The following TMEM218 variants were observed in gnomAD, a reference collection of about 807,000 sequenced individuals.
TMEM218 encodes the protein transmembrane protein 218.
Under a neutral mutation model 10.0 loss-of-function variants are expected in TMEM218, and 8 were observed. The observed-to-expected ratio is 0.80, with a 90% CI of 0.47 to 1.44. TMEM218 has a LOEUF of 1.44. TMEM218 is among the 40% of genes most tolerant of loss of function. The probability of loss-of-function intolerance (pLI) is 0.00; values close to 1 mark genes in which losing one functional copy is unlikely to be tolerated. For synonymous variants in TMEM218, 66 were observed against 63.5 expected (o/e 1.04, Z -0.18); for missense variants, 110 against 140.1 (o/e 0.79, Z 1.08).
At chr11:125,105,604 TATATG>T (rs1367594935) in intron 1 of TMEM218, among the ~76,000 whole-genome samples, 2 of 152,150 alleles carry the variant, frequency 1.3e-5, no homozygotes, top group Non-Finnish European at 2.9e-5. Context: ...ACTCAACAGT[TATATG>T]GTAGATGGAA....
At chr11:125,098,724 T>A (rs1465194627) in intron 4 of TMEM218, among the ~76,000 whole-genome samples, 2 of 152,204 alleles carry the variant, frequency 1.3e-5, no homozygotes, top group Non-Finnish European at 2.9e-5. Context: ...TCAGCTGCCC[T>A]TAAAACAAGG....
chr11:125,102,598 C>T (rs1484344562), intron 2 of TMEM218, 136 bp downstream of exon 2: 11 of 1,317,398 alleles, frequency 8.3e-6, no homozygotes, highest in African/African-American at 6.0e-5. Flanking sequence ...CCCCAGCCCA[C>T]GGGAGAAAGC....
intron 1 of TMEM218, among the ~76,000 whole-genome samples, chr11:125,111,215 T>G (rs935626893): frequency 1.3e-5 from 2 of 152,146 alleles, no homozygotes; most frequent in African/African-American, 4.8e-5. Context: ...AGATTCAAAC[T>G]GGCGACAGGA....
intron 4 of TMEM218, among the ~76,000 whole-genome samples, chr11:125,100,643 T>C (rs1385289285): frequency 6.6e-6 from 1 of 152,178 alleles, no homozygotes; most frequent in African/African-American, 2.4e-5. Flanking sequence ...CTGAGAGAGA[T>C]GATAAAAATC....
chr11:125,110,795 T>C (rs1260543585), intron 1 of TMEM218: 1 of 135,688 alleles, frequency 7.4e-6, no homozygotes, highest in Non-Finnish European at 1.6e-5. Flanking sequence ...AGTGCTCCTC[T>C]GGAAGAGTCC....
chr11:125,104,318 T>C (rs970947962), intron 1 of TMEM218: 1 of 152,174 alleles, frequency 6.6e-6, no homozygotes, highest in African/African-American at 2.4e-5. Flanking sequence ...CATCTCTGGG[T>C]CTTTGTACTT....
At chr11:125,099,915 C>T (rs1480141079) in intron 4 of TMEM218, among the ~76,000 whole-genome samples, 1 of 91,696 alleles carries the variant, frequency 1.1e-5, no homozygotes, top group Non-Finnish European at 2.1e-5. Context: ...CAGAGCGAGA[C>T]TGTCTCAAAA....
chr11:125,095,191 C>T lies in TMEM218; in HGVS notation c.*2415G>A, dbSNP rs1949483989. On this transcript the variant is annotated 3_prime_UTR_variant, in exon 5 of 5. Coordinates refer to ENST00000682305, the MANE Select transcript of TMEM218 (RefSeq NM_001258244.2). ...AATAACCTATTTTCTTATATAGAAA[C>T]CCAGATTTACTCTCCCTCTCCACCT... 1.3e-5 allele frequency among the ~76,000 whole-genome samples: 2 copies of T among 152,132 alleles called. No individual in the cohort carries two copies. The highest frequency in any genetic ancestry group is 4.8e-5 in the African/African-American group (2 of 41,424).
chr11:125,097,708 G>A lies in TMEM218; in HGVS notation c.246C>T (p.Val82=). 3 of 1,613,998 alleles carry A rather than the reference G, an allele frequency of 1.9e-6. No homozygotes were observed. Among genetic ancestry groups the A allele is most frequent in the Non-Finnish European group, 2.5e-6 (3 of 1,179,966 alleles). ...IVDDFFIGRY[V]LLAFLSAIFL... Reference sequence around the variant, plus strand: ...AGATGGCACTAAGGAAAGCCAGCAGGACATAGCGGCCAATGAAAAAGTCAT... The same window carrying A: ...AGATGGCACTAAGGAAAGCCAGCAGAACATAGCGGCCAATGAAAAAGTCAT... Residue 82 remains valine, a synonymous_variant, in exon 5 of 5, where the codon GTC becomes GTT. Coordinates refer to ENST00000682305, the MANE Select transcript of TMEM218 (RefSeq NM_001258244.2).
At chr11:125,105,730 C>T (rs1334578859) in intron 1 of TMEM218, among the ~76,000 whole-genome samples, 1 of 148,706 alleles carries the variant, frequency 6.7e-6, no homozygotes, top group Non-Finnish European at 1.5e-5. Context: ...CAGCAAGCAA[C>T]AGAAATAGAA....
chr11:125,108,009 T>C lies in TMEM218; in HGVS notation c.-153+3530A>G, dbSNP rs1952703989. 6.6e-6 allele frequency among the ~76,000 whole-genome samples: 1 copy of C among 151,990 alleles called. No homozygotes were observed. The highest frequency in any genetic ancestry group is 2.1e-4 in the South Asian group (1 of 4,826). On this transcript the variant is annotated intron_variant, in intron 1 of 4. Coordinates refer to ENST00000682305, the MANE Select transcript of TMEM218 (RefSeq NM_001258244.2). This position sits in a 1 kb window ranked among gnomAD's most constrained non-coding sequence, Gnocchi z 5.3. Reference sequence around the variant, plus strand: ...AAAAATCTCAATTTTCCTTAACCTATAAATTCAATGCAATCCTAACCAAAG... The same window carrying C: ...AAAAATCTCAATTTTCCTTAACCTACAAATTCAATGCAATCCTAACCAAAG...
At chr11:125,100,385 G>C (rs1372075573) in intron 4 of TMEM218, among the ~76,000 whole-genome samples, 1 of 152,178 alleles carries the variant, frequency 6.6e-6, no homozygotes, top group African/African-American at 2.4e-5. Flanking sequence ...ATACTACTTA[G>C]GGCTGTCCTG....
intron 1 of TMEM218, among the ~76,000 whole-genome samples, chr11:125,111,132 C>T (rs1336799494): frequency 6.6e-6 from 1 of 152,130 alleles, no homozygotes; most frequent in Non-Finnish European, 1.5e-5. Context: ...GGTCTATCCG[C>T]TCTCTGGATC....
At chr11:125,107,423 G>A (rs1034515427) in intron 1 of TMEM218, among the ~76,000 whole-genome samples, 60 of 152,032 alleles carry the variant, frequency 3.9e-4, no homozygotes, top group African/African-American at 1.3e-3. Flanking sequence ...TGATTCGAAC[G>A]AAGCATTGCA....
rs540424706 is a variant in TMEM218, at chr11:125,097,842, A to G, written c.214-102T>C. 4.3e-6 allele frequency: 5 copies of G among 1,151,354 alleles called. No individual in the cohort carries two copies. The South Asian group carries it at 4.6e-5, about 11-fold the overall frequency. 71.3% of individuals were successfully genotyped at this position (1,151,354 alleles called of 1,614,324 possible). ...GTGGGCCAAGAGTTAGTTCATGTGT[A>G]TAACTTCCAGTAACATCCTGCCCTG... On this transcript the variant is annotated intron_variant, in intron 4 of 4. Transcript: ENST00000682305.
chr11:125,109,213 C>T (rs1282198929), intron 1 of TMEM218, among the ~76,000 whole-genome samples: 1 of 152,064 alleles, frequency 6.6e-6, no homozygotes, highest in Admixed American at 6.5e-5. Context: ...GTGACAAAAA[C>T]AAGTTGCAAA....
At chr11:125,106,199 A>T (rs535755868) in intron 1 of TMEM218, among the ~76,000 whole-genome samples, 1 of 152,312 alleles carries the variant, frequency 6.6e-6, no homozygotes, top group Admixed American at 6.5e-5. Flanking sequence ...AATGGTTAAG[A>T]CAGGAAATTC....
rs1373819576 is a variant in TMEM218, at chr11:125,108,865, A to G, written c.-153+2674T>C. 6.6e-6 allele frequency among the ~76,000 whole-genome samples: 1 copy of G among 152,240 alleles called. No individual in the cohort carries two copies. Among genetic ancestry groups the G allele is most frequent in the Non-Finnish European group, 1.5e-5 (1 of 68,034 alleles). On this transcript the variant is annotated intron_variant, in intron 1 of 4. Transcript: ENST00000682305. The surrounding 1 kb of genome is among the most constrained non-coding windows in gnomAD (Gnocchi z 5.3). ...TTCTTCGTTGTGAGGACTGTCCCAT[A>G]CATTACAGAACATCCAGTATCCGCA...
intron 2 of TMEM218, 160 bp from the exon 3 acceptor site, chr11:125,102,477 A>T: frequency 1.4e-6 from 2 of 1,472,724 alleles, no homozygotes; most frequent in Non-Finnish European, 1.8e-6. Flanking sequence ...TTAGAACCCA[A>T]AGCCTTTCTC....
Sources: gnomAD v4.1 joint callset for allele counts (sites outside exome capture counted in the v4.1 genomes callset) on GRCh38, gnomAD v4.1.1 for gene constraint, Gnocchi (gnomAD v3.1) non-coding constraint, MANE v1.5 for transcripts, NCBI Gene and HGNC (gene_info 2026-07-23, HGNC 2026-07-21) for gene names.